The following GRIP1 variants were observed in gnomAD, a reference collection of about 807,000 sequenced individuals.
GRIP1 encodes glutamate receptor interacting protein 1.
Under a neutral mutation model 129.9 loss-of-function variants are expected in GRIP1, and 45 were observed. That is an observed-to-expected ratio of 0.35 (90% CI 0.27 to 0.44). The LOEUF is 0.44. GRIP1 is among the 20% of genes least tolerant of loss of function. The pLI is 1.00. For synonymous variants in GRIP1, 530 were observed against 520.8 expected (o/e 1.02, Z -0.24); for missense variants, 1,196 against 1,396.8 (o/e 0.86, Z 2.29).
At chr12:66,929,610 C>T (rs746579081) in intron 1 of GRIP1, among the ~76,000 whole-genome samples, 1 of 152,158 alleles carries the variant, frequency 6.6e-6, no homozygotes, top group African/African-American at 2.4e-5. Context: ...ATCCAACCTG[C>T]CACTCTCCTA....
chr12:67,049,304 C>G (rs2043303674), intron 1 of GRIP1, among the ~76,000 whole-genome samples: 1 of 152,086 alleles, frequency 6.6e-6, no homozygotes, highest in Non-Finnish European at 1.5e-5. Flanking sequence ...GGTCTAAGCC[C>G]AAATTTTGCC....
At chr12:66,899,912 T>C (rs553496791) in intron 1 of GRIP1, among the ~76,000 whole-genome samples, 5 of 152,238 alleles carry the variant, frequency 3.3e-5, no homozygotes, top group Admixed American at 1.3e-4. Flanking sequence ...TCTATATATG[T>C]GATTTTCAGG....
intron 1 of GRIP1, among the ~76,000 whole-genome samples, chr12:66,652,092 AC>A (rs1435672764): frequency 6.6e-6 from 1 of 152,206 alleles, no homozygotes; most frequent in African/African-American, 2.4e-5. Context: ...ATGACTTGAA[AC>A]AAATTCTTAT....
At chr12:66,795,306 C>A (rs544978187) in intron 1 of GRIP1, among the ~76,000 whole-genome samples, 1 of 152,248 alleles carries the variant, frequency 6.6e-6, no homozygotes, top group Admixed American at 6.5e-5. Flanking sequence ...AGTTTTATCT[C>A]AAAAATGGGG....
chr12:66,875,574 TC>T (rs1463427218), intron 1 of GRIP1, among the ~76,000 whole-genome samples: 9 of 152,064 alleles, frequency 5.9e-5, no homozygotes, highest in African/African-American at 1.9e-4. Context: ...TCCATGCACA[TC>T]CAGAATTTTG....
At position 66,465,415 on chromosome 12, in the gene GRIP1, C is replaced by A; in HGVS notation, c.732G>T (p.Val244=). 1 of 1,613,622 alleles carries A rather than the reference C, an allele frequency of 6.2e-7. No homozygotes were observed. Among genetic ancestry groups the A allele is most frequent in the East Asian group, 2.2e-5 (1 of 44,882 alleles). ...CTAGTAGTGGCCCGGATGCTGTTGC[C>A]ACAGAGTCTGTCAAAGAACAAATTT... The part of the protein sequence containing the change: ...IEYDVSVMDS[V]ATASGPLLVE... Residue 244 remains valine, a synonymous_variant, in exon 8 of 25, where the codon GTG becomes GTT. Coordinates refer to ENST00000359742, the MANE Select transcript of GRIP1 (RefSeq NM_001366722.1).
At chr12:67,063,740 C>T (rs2043574241) in intron 1 of GRIP1, among the ~76,000 whole-genome samples, 1 of 152,290 alleles carries the variant, frequency 6.6e-6, no homozygotes, top group South Asian at 2.1e-4. Flanking sequence ...AGATTCAATT[C>T]TCAAATTCTT....
intron 8 of GRIP1, 25 bp from the exon 9 acceptor site, chr12:66,463,118 A>G: frequency 6.3e-7 from 1 of 1,598,464 alleles, no homozygotes; most frequent in Non-Finnish European, 8.6e-7. Context: ...AATACTCGGT[A>G]AGAGGCAGTG....
Position 66,621,857 on chromosome 12 carries a change from T to A in GRIP1, c.56-24930A>T, listed in dbSNP as rs561408614. Among the ~76,000 whole-genome samples, 144 of 152,304 alleles carry A rather than the reference T, an allele frequency of 9.5e-4. 3 individuals are homozygous for A. In the South Asian group the frequency reaches 0.029, roughly 31 times the overall value. On this transcript the variant is annotated intron_variant, in intron 1 of 24. Coordinates refer to ENST00000359742, the MANE Select transcript of GRIP1 (RefSeq NM_001366722.1). ...CCCTAATGTCTAGTATTGCTGAGTA[T>A]CTTTTCTTGTGCTTATGGCCCATTT...
intron 7 of GRIP1, among the ~76,000 whole-genome samples, chr12:66,482,136 T>G (rs2059824207): frequency 6.6e-6 from 1 of 152,110 alleles, no homozygotes. Flanking sequence ...ATGATATGAT[T>G]TCCAGGTTTC....
intron 4 of GRIP1, 22 bp downstream of exon 4, chr12:66,539,056 T>A (rs368763904): frequency 2.9e-4 from 461 of 1,597,016 alleles, no homozygotes; most frequent in Non-Finnish European, 3.7e-4. Context: ...CCCCTATGGA[T>A]AAGGGGGGCT....
intron 17 of GRIP1, 35 bp from the exon 18 acceptor site, chr12:66,392,851 T>A (rs778272819): frequency 1.3e-6 from 2 of 1,598,302 alleles, no homozygotes; most frequent in Admixed American, 3.3e-5. Flanking sequence ...GAGGTAGAAA[T>A]AATCCCTGTA....
chr12:66,397,718 T>A (rs1051760902), intron 16 of GRIP1, among the ~76,000 whole-genome samples: 3 of 152,200 alleles, frequency 2.0e-5, no homozygotes, highest in African/African-American at 7.2e-5. Context: ...GATGGGATGA[T>A]GCCTGGAATT....
In GRIP1 at chr12:66,517,885, G is replaced by A; in HGVS notation, c.578+16C>T. 1 of 1,340,750 alleles carries A rather than the reference G, an allele frequency of 7.5e-7. No individual in the cohort carries two copies. Among genetic ancestry groups the A allele is most frequent in the East Asian group, 2.3e-5 (1 of 43,616 alleles). The allele number at this position is 1,340,750 out of a possible 1,614,324, so 83.1% of individuals were successfully genotyped here. On this transcript the variant is annotated intron_variant, in intron 6 of 24. Transcript: ENST00000359742. The stretch of plus-strand genomic sequence containing the variant: ...TTATTCTATTTTGGATAGTGACACA[G>A]AAAGATAAAGTTTACCTGTCAGCAG...
At chr12:66,688,131 G>A (rs981759653) in intron 1 of GRIP1, among the ~76,000 whole-genome samples, 34 of 152,184 alleles carry the variant, frequency 2.2e-4, no homozygotes, top group African/African-American at 7.5e-4. Context: ...CTAATACACC[G>A]GACTTAGTTA....
chr12:67,063,432 A>T (rs1261927854), intron 1 of GRIP1, among the ~76,000 whole-genome samples: 1 of 152,240 alleles, frequency 6.6e-6, no homozygotes, highest in Non-Finnish European at 1.5e-5. Flanking sequence ...TACCTAAATG[A>T]GTAGGCTTCT....
intron 1 of GRIP1, chr12:67,035,505 C>T (rs1393208515): frequency 6.6e-6 from 1 of 152,016 alleles, no homozygotes; most frequent in African/African-American, 2.4e-5. Context: ...GCAAATGTAC[C>T]CTGAGGTATG....
chr12:66,859,983 T>C (rs1020132793), intron 1 of GRIP1, among the ~76,000 whole-genome samples: 1 of 152,094 alleles, frequency 6.6e-6, no homozygotes, highest in Admixed American at 6.6e-5. Context: ...GGCATCCTGA[T>C]GTAGAAACTC....
At chr12:66,585,287 A>G (rs1297238493) in intron 2 of GRIP1, among the ~76,000 whole-genome samples, 5 of 115,744 alleles carry the variant, frequency 4.3e-5, no homozygotes, top group South Asian at 6.0e-4. Flanking sequence ...AGAGTGTGAT[A>G]TTCCCCTTCC....
Sources: gnomAD v4.1 joint callset for allele counts (sites outside exome capture counted in the v4.1 genomes callset) on GRCh38, gnomAD v4.1.1 for gene constraint, MANE v1.5 for transcripts, NCBI Gene and HGNC (gene_info 2026-07-23, HGNC 2026-07-21) for gene names.